The following GRAMD1B variants were observed in gnomAD, a reference collection of about 807,000 sequenced individuals.
GRAMD1B encodes the protein protein Aster-B.
Under a neutral mutation model 99.7 loss-of-function variants are expected in GRAMD1B, and 37 were observed. That is an observed-to-expected ratio of 0.37 (90% CI 0.29 to 0.49). The LOEUF is 0.49. GRAMD1B is among the 20% of genes least tolerant of loss of function. The probability of loss-of-function intolerance (pLI) is 0.98; values close to 1 mark genes in which losing one functional copy is unlikely to be tolerated. For missense variants in GRAMD1B, 888 were observed against 1,009.2 expected, an observed-to-expected ratio of 0.88 and a Z score of 1.63; for synonymous variants, 427 against 387.6, an observed-to-expected ratio of 1.10 and a Z score of -1.19.
At chr11:123,572,932 A>T (rs1338744414) in intron 2 of GRAMD1B, among the ~76,000 whole-genome samples, 1 of 148,998 alleles carries the variant, frequency 6.7e-6, no homozygotes, top group Admixed American at 6.6e-5. Context: ...AGGCACAAAG[A>T]GGCCCCGATG....
intron 2 of GRAMD1B, among the ~76,000 whole-genome samples, chr11:123,550,071 C>T (rs1267790149): frequency 6.6e-6 from 1 of 152,192 alleles, no homozygotes; most frequent in Non-Finnish European, 1.5e-5. Flanking sequence ...GGAGTCCGTA[C>T]CTCCGTGCCA....
chr11:123,407,745 A>G (rs1302065745), intron 1 of GRAMD1B, among the ~76,000 whole-genome samples: 1 of 152,198 alleles, frequency 6.6e-6, no homozygotes, highest in African/African-American at 2.4e-5. Context: ...TCATCTCCCC[A>G]AATTAAACGT....
At chr11:123,584,752 T>A (rs1034831818) in intron 4 of GRAMD1B, among the ~76,000 whole-genome samples, 4 of 152,014 alleles carry the variant, frequency 2.6e-5, no homozygotes, top group Admixed American at 1.3e-4. Flanking sequence ...GATAGAAGAG[T>A]CAACCCATGT....
chr11:123,376,615 G>A (rs552549425), intron 1 of GRAMD1B, among the ~76,000 whole-genome samples: 1 of 152,276 alleles, frequency 6.6e-6, no homozygotes, highest in South Asian at 2.1e-4. Context: ...TATCACTCTA[G>A]TTCCATCTAT....
intron 1 of GRAMD1B, among the ~76,000 whole-genome samples, chr11:123,363,745 G>T (rs570463014): frequency 4.1e-4 from 62 of 152,266 alleles, no homozygotes; most frequent in African/African-American, 1.5e-3. Flanking sequence ...TTGTTGGCCT[G>T]GTTAGGGAAG....
chr11:123,548,319 T>TACAC (rs1276539105), intron 2 of GRAMD1B, among the ~76,000 whole-genome samples: 125 of 105,196 alleles, frequency 1.2e-3, no homozygotes, highest in African/African-American at 5.9e-3. Flanking sequence ...TATATATATA[T>TACAC]ATATATACAC....
chr11:123,617,362 AT>A (rs956774190), intron 17 of GRAMD1B, among the ~76,000 whole-genome samples: 11 of 151,262 alleles, frequency 7.3e-5, no homozygotes, highest in African/African-American at 2.7e-4. Flanking sequence ...TTTTAAAAAT[AT>A]TTTTTTGTAG....
chr11:123,445,829 A>AC (rs1949615000), intron 1 of GRAMD1B, among the ~76,000 whole-genome samples: 1 of 151,114 alleles, frequency 6.6e-6, no homozygotes, highest in Admixed American at 6.6e-5. Context: ...AAAAAAAAAA[A>AC]AAAAAAAAAC....
At chr11:123,614,534 C>T (rs2137031093) in intron 16 of GRAMD1B, among the ~76,000 whole-genome samples, 1 of 152,266 alleles carries the variant, frequency 6.6e-6, no homozygotes, top group Admixed American at 6.5e-5. Flanking sequence ...CTCATTTGTT[C>T]AATGATGACC....
intron 1 of GRAMD1B, among the ~76,000 whole-genome samples, chr11:123,359,572 C>T (rs983655347): frequency 9.9e-5 from 15 of 152,038 alleles, no homozygotes; most frequent in South Asian, 2.1e-4. Flanking sequence ...GATATGCAGG[C>T]GCCAAGGTAA....
At chr11:123,463,502 C>G (rs926421734) in intron 1 of GRAMD1B, among the ~76,000 whole-genome samples, 1 of 152,170 alleles carries the variant, frequency 6.6e-6, no homozygotes, top group Non-Finnish European at 1.5e-5. Context: ...TTGAAAAAAG[C>G]AGCCAGAGTT....
Position 123,619,238 on chromosome 11 carries a change from C to A in GRAMD1B, c.2544+14C>A, listed in dbSNP as rs1954825823. 6.4e-7 allele frequency: 1 copy of A among 1,552,532 alleles called. No individual in the cohort carries two copies. Among genetic ancestry groups the A allele is most frequent in the Non-Finnish European group, 8.7e-7 (1 of 1,147,914 alleles). On this transcript the variant is annotated intron_variant, in intron 19 of 19. Transcript: ENST00000635736. ...CTCCTTGACCAGGTGAGATGCCCCA[C>A]CTTCTCTGCTTGCCCTGGTCTTTGG...
chr11:123,385,522 C>G (rs1051043966), intron 1 of GRAMD1B, among the ~76,000 whole-genome samples: 7 of 152,084 alleles, frequency 4.6e-5, no homozygotes, highest in Non-Finnish European at 1.0e-4. Context: ...CCTGGAATAC[C>G]TTTCCTGTCC....
intron 2 of GRAMD1B, among the ~76,000 whole-genome samples, chr11:123,488,972 T>C (rs1467807147): frequency 1.1e-4 from 17 of 152,006 alleles, no homozygotes. Context: ...CCCTTAAGGT[T>C]GACCCCTTAG....
chr11:123,511,102 C>T (rs1229907823), intron 2 of GRAMD1B, among the ~76,000 whole-genome samples: 1 of 151,610 alleles, frequency 6.6e-6, no homozygotes, highest in Non-Finnish European at 1.5e-5. Context: ...TCTTCTTCCT[C>T]TGCTTCTTCT....
intron 2 of GRAMD1B, among the ~76,000 whole-genome samples, chr11:123,488,898 C>T (rs75610316): frequency 0.037 from 5,596 of 152,080 alleles, 143 homozygotes; most frequent in Non-Finnish European, 0.059. Flanking sequence ...GCGTGGGACC[C>T]GATGGAAATT....
chr11:123,612,278 A>G (rs1252557597), intron 14 of GRAMD1B, among the ~76,000 whole-genome samples: 1 of 152,078 alleles, frequency 6.6e-6, no homozygotes, highest in African/African-American at 2.4e-5. Flanking sequence ...AGGATGACAT[A>G]CTTTTAAAGG....
intron 19 of GRAMD1B, 27 bp downstream of exon 19, chr11:123,619,251 C>T: frequency 6.5e-7 from 1 of 1,549,388 alleles, no homozygotes; most frequent in Non-Finnish European, 8.7e-7. Flanking sequence ...TCTCTGCTTG[C>T]CCTGGTCTTT....
intron 7 of GRAMD1B, chr11:123,598,017 C>T: frequency 7.7e-7 from 1 of 1,299,712 alleles, no homozygotes; most frequent in South Asian, 1.2e-5. Flanking sequence ...TCTTCATATT[C>T]TTCCTCAGTG....
Sources: gnomAD v4.1 joint callset for allele counts (sites outside exome capture counted in the v4.1 genomes callset) on GRCh38, gnomAD v4.1.1 for gene constraint, MANE v1.5 for transcripts, NCBI Gene and HGNC (gene_info 2026-07-23, HGNC 2026-07-21) for gene names.